ATRNL1: variants seen among roughly 807,000 people sequenced by gnomAD.
ATRNL1 encodes the protein attractin like 1.
In ATRNL1, 95 loss-of-function variants were observed where a neutral mutation model predicts 182.7. That is an observed-to-expected ratio of 0.52 (90% CI 0.44 to 0.62). The LOEUF (loss-of-function observed/expected upper bound fraction) is 0.62. Among genes scored for constraint, ATRNL1 ranks in the 20% least tolerant of loss-of-function variants. The probability of loss-of-function intolerance (pLI) is 0.00; values close to 1 mark genes in which losing one functional copy is unlikely to be tolerated. For synonymous variants in ATRNL1, 576 were observed against 568.3 expected, an observed-to-expected ratio of 1.01 and a Z score of -0.19; for missense variants, 1,471 against 1,679.5, an observed-to-expected ratio of 0.88 and a Z score of 2.17.
intron 21 of ATRNL1, among the ~76,000 whole-genome samples, chr10:115,445,203 T>C (rs1554966408): frequency 1.3e-5 from 2 of 149,568 alleles, no homozygotes; most frequent in East Asian, 2.0e-4. Flanking sequence ...CTGAGACGGG[T>C]AGATCACCTG....
At chr10:115,808,307 T>C (rs1310300486) in intron 27 of ATRNL1, among the ~76,000 whole-genome samples, 3 of 152,190 alleles carry the variant, frequency 2.0e-5, no homozygotes, top group African/African-American at 7.2e-5. Context: ...TTTTTCAGTG[T>C]AGAATACTTA....
chr10:115,915,322 T>TG (rs1277376236), intron 28 of ATRNL1, among the ~76,000 whole-genome samples: 7 of 151,040 alleles, frequency 4.6e-5, no homozygotes, highest in African/African-American at 7.3e-5. Flanking sequence ...GGCATGAACC[T>TG]GGGGGGCGGA....
chr10:115,517,062 A>C (rs1282928837), intron 24 of ATRNL1, among the ~76,000 whole-genome samples: 2 of 151,850 alleles, frequency 1.3e-5, no homozygotes, highest in Non-Finnish European at 2.9e-5. Context: ...TTTAGTGACT[A>C]TTTCTTGAAT....
At chr10:115,526,509 C>T (rs1387562894) in intron 25 of ATRNL1, among the ~76,000 whole-genome samples, 1 of 152,170 alleles carries the variant, frequency 6.6e-6, no homozygotes, top group African/African-American at 2.4e-5. Context: ...AATTGCTGTA[C>T]CTTCAAGTAT....
intron 18 of ATRNL1, among the ~76,000 whole-genome samples, chr10:115,316,143 G>T (rs190108853): frequency 6.6e-6 from 1 of 152,262 alleles, no homozygotes; most frequent in East Asian, 1.9e-4. Context: ...GGTGCATGTT[G>T]TTCCCCTCCC....
chr10:115,326,780 C>T (rs1375676312), intron 18 of ATRNL1, among the ~76,000 whole-genome samples: 2 of 152,140 alleles, frequency 1.3e-5, no homozygotes, highest in African/African-American at 4.8e-5. Context: ...AATAACGCTG[C>T]ACATCTACAA....
intron 19 of ATRNL1, among the ~76,000 whole-genome samples, chr10:115,388,939 A>T (rs1185128055): frequency 2.6e-5 from 4 of 152,144 alleles, no homozygotes; most frequent in Non-Finnish European, 4.4e-5. Context: ...TTTTGTGTTA[A>T]TAACATTTAA....
chr10:115,271,631 A>G (rs12248684), intron 13 of ATRNL1, among the ~76,000 whole-genome samples: 5,193 of 152,266 alleles, frequency 0.034, 290 homozygotes, highest in African/African-American at 0.12. Context: ...ATATCCATCA[A>G]TGATAGACTG....
At chr10:115,386,299 G>T (rs1489719669) in intron 19 of ATRNL1, among the ~76,000 whole-genome samples, 2 of 152,172 alleles carry the variant, frequency 1.3e-5, no homozygotes, top group Non-Finnish European at 2.9e-5. Flanking sequence ...TTCACAACCT[G>T]TTGCTAATAA....
intron 21 of ATRNL1, among the ~76,000 whole-genome samples, chr10:115,426,858 G>T (rs561455773): frequency 1.3e-5 from 2 of 152,238 alleles, no homozygotes; most frequent in African/African-American, 4.8e-5. Context: ...CCAAGTAGCT[G>T]GGATTACATG....
chr10:115,774,937 A>T (rs1404594175), intron 27 of ATRNL1, among the ~76,000 whole-genome samples: 1 of 152,028 alleles, frequency 6.6e-6, no homozygotes, highest in African/African-American at 2.4e-5. Context: ...CATCAAAGGA[A>T]GTTAAATAAA....
intron 19 of ATRNL1, among the ~76,000 whole-genome samples, chr10:115,345,814 T>C (rs782286995): frequency 1.1e-4 from 16 of 152,218 alleles, no homozygotes; most frequent in Middle Eastern, 3.2e-3. Context: ...AATTTACTTA[T>C]ATTCTAGATA....
intron 14 of ATRNL1, among the ~76,000 whole-genome samples, chr10:115,281,895 G>A (rs1367738327): frequency 6.8e-6 from 1 of 147,920 alleles, no homozygotes; most frequent in Non-Finnish European, 1.5e-5. Flanking sequence ...AATATTTTAA[G>A]GCAACAATAA....
At chr10:115,152,428 C>T (rs1288630732) in intron 5 of ATRNL1, among the ~76,000 whole-genome samples, 2 of 152,186 alleles carry the variant, frequency 1.3e-5, no homozygotes, top group Non-Finnish European at 2.9e-5. Context: ...AGAGGTCCTT[C>T]ACATCCCTTG....
At chr10:115,185,903 T>C (rs1009983613) in intron 8 of ATRNL1, among the ~76,000 whole-genome samples, 5 of 151,968 alleles carry the variant, frequency 3.3e-5, no homozygotes, top group African/African-American at 4.8e-5. Flanking sequence ...TGTGGTAGAG[T>C]TCTGCAAACC....
chr10:115,403,138 C>T (rs116140302), intron 20 of ATRNL1, among the ~76,000 whole-genome samples: 1,777 of 151,930 alleles, frequency 0.012, 33 homozygotes, highest in African/African-American at 0.04. Flanking sequence ...AATTCCTTTC[C>T]GTTTTAGGAA....
At chr10:115,478,222 G>A (rs1324192486) in intron 24 of ATRNL1, among the ~76,000 whole-genome samples, 20 of 151,662 alleles carry the variant, frequency 1.3e-4, no homozygotes, top group African/African-American at 4.8e-4. Flanking sequence ...TATACTGTCT[G>A]TTGGTCAGGA....
intron 5 of ATRNL1, among the ~76,000 whole-genome samples, chr10:115,155,398 T>C (rs1336696549): frequency 6.6e-6 from 1 of 152,150 alleles, no homozygotes; most frequent in East Asian, 1.9e-4. Flanking sequence ...GTTACTATTA[T>C]GAAGCATTTA....
At chr10:115,495,701 G>T (rs1565102403) in intron 24 of ATRNL1, among the ~76,000 whole-genome samples, 2 of 148,964 alleles carry the variant, frequency 1.3e-5, no homozygotes, top group Admixed American at 6.7e-5. Flanking sequence ...TATGATTTCA[G>T]TTTTTTTTTT....
Sources: gnomAD v4.1 joint callset for allele counts (sites outside exome capture counted in the v4.1 genomes callset) on GRCh38, gnomAD v4.1.1 for gene constraint, MANE v1.5 for transcripts, NCBI Gene and HGNC (gene_info 2026-07-23, HGNC 2026-07-21) for gene names.